The following TMEM260 variants were observed in gnomAD, a reference collection of about 807,000 sequenced individuals.
TMEM260 encodes the protein protein O-mannosyl-transferase TMEM260.
A neutral mutation model predicts 88.9 loss-of-function variants in TMEM260; 82 were observed. The ratio of observed to expected loss-of-function variants is 0.92; its 90% confidence interval spans 0.77 to 1.11. TMEM260 has a LOEUF of 1.11. Among genes scored for constraint, TMEM260 ranks in the 50% least tolerant of loss-of-function variants. TMEM260 has a pLI of 0.00. For missense variants in TMEM260, 902 were observed against 853.4 expected (o/e 1.06, Z -0.71); for synonymous variants, 314 against 309.3 (o/e 1.02, Z -0.16).
chr14:56,615,281 T>C (rs1400236139), intron 7 of TMEM260, among the ~76,000 whole-genome samples: 1 of 152,130 alleles, frequency 6.6e-6, no homozygotes, highest in Non-Finnish European at 1.5e-5. Context: ...TTTTTAACAA[T>C]TGGAGACAGC....
At position 56,624,021 on chromosome 14, in the gene TMEM260, TTTAAA is replaced by T. The variant is rs370667243; in HGVS notation, c.1399-1359_1399-1355del. Among the ~76,000 whole-genome samples, 936 of 152,318 alleles carry T rather than the reference TTTAAA, an allele frequency of 6.1e-3. 8 individuals carry two copies. Among genetic ancestry groups the T allele is most frequent in the Middle Eastern group, 0.02 (6 of 294 alleles). On this transcript the variant is annotated intron_variant, in intron 11 of 15. Coordinates refer to ENST00000261556, the MANE Select transcript of TMEM260 (RefSeq NM_017799.4). ...GATTTTTTCTAATATAAGTAAATTATTTAAATCAAAAGAATGTGTAAACTTGTAAG... is the reference window on the plus strand; with the variant it reads ...GATTTTTTCTAATATAAGTAAATTATTCAAAAGAATGTGTAAACTTGTAAG...
At chr14:56,650,116 T>C, downstream of TMEM260, 1 of 455,634 alleles carries the variant, frequency 2.2e-6, no homozygotes, top group Non-Finnish European at 4.4e-6. Flanking sequence ...TCCTGTAGTC[T>C]GACCCCCGAC....
intron 15 of TMEM260, among the ~76,000 whole-genome samples, chr14:56,646,392 TC>T (rs1566582986): frequency 1.3e-5 from 2 of 152,222 alleles, no homozygotes; most frequent in African/African-American, 4.8e-5. Flanking sequence ...TACAGGTAAC[TC>T]CTGTGAATAC....
At chr14:56,657,191 G>T in the TMEM260 span, among the ~76,000 whole-genome samples, 1 of 152,206 alleles carries the variant, frequency 6.6e-6, no homozygotes, top group African/African-American at 2.4e-5. Flanking sequence ...GAGCACAGGG[G>T]CCCTGCTGGA....
intron 14 of TMEM260, among the ~76,000 whole-genome samples, chr14:56,636,135 T>TGGGCACACATGGCATGAGCTTC (rs1417083050): frequency 5.3e-5 from 8 of 152,192 alleles, no homozygotes; most frequent in African/African-American, 1.9e-4. Flanking sequence ...TTGGAAGAAC[T>TGGGCACACATGGCATGAGCTTC]GGGCACACAT....
chr14:56,597,652 CA>C, intron 3 of TMEM260, among the ~76,000 whole-genome samples: 1 of 152,218 alleles, frequency 6.6e-6, no homozygotes, highest in Admixed American at 6.5e-5. Context: ...ACTCTGTTGG[CA>C]ATGGCGGGCA....
chr14:56,626,674 G>A (rs1276705469), intron 12 of TMEM260, among the ~76,000 whole-genome samples: 2 of 152,164 alleles, frequency 1.3e-5, no homozygotes, highest in Non-Finnish European at 2.9e-5. Flanking sequence ...TATTCTGGCA[G>A]CATGGATAAG....
chr14:56,587,748 A>G (rs1427591990), intron 3 of TMEM260, among the ~76,000 whole-genome samples: 1 of 152,088 alleles, frequency 6.6e-6, no homozygotes, highest in Non-Finnish European at 1.5e-5. Context: ...TATTTTGAAT[A>G]CAAATAATTG....
At chr14:56,580,107 C>G (rs1021151050) in intron 1 of TMEM260, 33 bp downstream of exon 1, 1 of 1,247,748 alleles carries the variant, frequency 8.0e-7, no homozygotes, top group African/African-American at 1.5e-5. Flanking sequence ...CCTTCTGTCC[C>G]TCTCCCCTGG....
the TMEM260 span, among the ~76,000 whole-genome samples, chr14:56,660,710 T>A: frequency 2.6e-5 from 4 of 152,310 alleles, no homozygotes; most frequent in South Asian, 4.1e-4. Context: ...GAATGAGGCA[T>A]GAGGCACAGA....
chr14:56,650,254 G>A (rs571266746), downstream of TMEM260: 9 of 341,762 alleles, frequency 2.6e-5, no homozygotes, highest in East Asian at 8.1e-5. Flanking sequence ...CCTGGACTTC[G>A]GCCTGAAGAG....
chr14:56,585,274 C>T (rs1221190522), intron 2 of TMEM260, among the ~76,000 whole-genome samples: 1 of 151,994 alleles, frequency 6.6e-6, no homozygotes, highest in African/African-American at 2.4e-5. Context: ...TTTGTATAAG[C>T]TGTGGGGAAT....
downstream of TMEM260, among the ~76,000 whole-genome samples, chr14:56,652,172 T>C (rs1356261311): frequency 1.3e-5 from 2 of 152,180 alleles, no homozygotes; most frequent in African/African-American, 4.8e-5. Context: ...AATCACCCAT[T>C]ACCCTGGATC....
At chr14:56,619,977 T>C (rs1308448797) in intron 10 of TMEM260, among the ~76,000 whole-genome samples, 1 of 152,188 alleles carries the variant, frequency 6.6e-6, no homozygotes, top group Non-Finnish European at 1.5e-5. Flanking sequence ...TGAGATCATG[T>C]CCTTTTTAGG....
chr14:56,647,794 AGAAT>A lies in TMEM260; in HGVS notation c.*301_*304del, dbSNP rs1354179875. On this transcript the variant is annotated 3_prime_UTR_variant, in exon 16 of 16. Coordinates refer to ENST00000261556, the MANE Select transcript of TMEM260 (RefSeq NM_017799.4). ...ACTGCACTGGATTAGATTCTAGAAGAGAATGAACCATTTTCATATAACTAAATAT... is the reference window on the plus strand; with the variant it reads ...ACTGCACTGGATTAGATTCTAGAAGAGAACCATTTTCATATAACTAAATAT... The A allele has an allele frequency of 1.3e-5, 4 of 319,490 alleles. No individual in the cohort carries two copies. Among genetic ancestry groups the A allele is most frequent in the African/African-American group, 6.6e-5 (3 of 45,580 alleles). The allele number at this position is 319,490 out of a possible 1,614,324, so 19.8% of individuals were successfully genotyped here.
chr14:56,640,881 G>T (rs1020848570), intron 15 of TMEM260, among the ~76,000 whole-genome samples: 6 of 152,134 alleles, frequency 3.9e-5, no homozygotes, highest in Admixed American at 3.9e-4. Context: ...GCGATCAACT[G>T]GAAGAAAGGG....
intron 4 of TMEM260, 93 bp downstream of exon 4, chr14:56,604,085 A>C: frequency 1.6e-6 from 2 of 1,245,448 alleles, no homozygotes; most frequent in South Asian, 3.3e-5. Flanking sequence ...CCTTTTATCT[A>C]TTCTGATTAC....
At chr14:56,612,147 T>C in intron 6 of TMEM260, 98 bp from the exon 7 acceptor site, 1 of 1,253,920 alleles carries the variant, frequency 8.0e-7, no homozygotes, top group Non-Finnish European at 1.2e-6. Flanking sequence ...AAAATTGTTT[T>C]AAGAAAACCC....
chr14:56,597,076 T>C, intron 3 of TMEM260, among the ~76,000 whole-genome samples: 1 of 152,092 alleles, frequency 6.6e-6, no homozygotes, highest in Non-Finnish European at 1.5e-5. Flanking sequence ...GAGAAAATAT[T>C]TCAGGGAATA....
Sources: allele counts gnomAD v4.1 joint callset (sites outside exome capture counted in the v4.1 genomes callset), GRCh38; gene constraint gnomAD v4.1.1; transcripts MANE v1.5; gene names NCBI Gene and HGNC (gene_info 2026-07-23, HGNC 2026-07-21).